The following HDX variants were observed in gnomAD, a reference collection of about 807,000 sequenced individuals.
HDX encodes the protein chromosome X open reading frame 43.
A neutral mutation model predicts 45.2 loss-of-function variants in HDX; 19 were observed. The ratio of observed to expected loss-of-function variants is 0.42; its 90% CI spans 0.29 to 0.62. HDX has a LOEUF of 0.62. Among genes scored for constraint, HDX ranks in the 20% least tolerant of loss-of-function variants. The pLI is 0.20. For missense variants in HDX, 532 were observed against 493.9 expected, an observed-to-expected ratio of 1.08 and a Z score of -0.73; for synonymous variants, 188 against 172.8, an observed-to-expected ratio of 1.09 and a Z score of -0.69.
chrX:84,405,719 A>G (rs1217666165), intron 5 of HDX, among the ~76,000 whole-genome samples: 1 of 105,719 alleles, frequency 9.5e-6, no homozygotes, highest in African/African-American at 3.4e-5. Context: ...AATCTGTTAT[A>G]ACAAACTGTT....
At chrX:84,489,104 C>G (rs1344066341) in intron 1 of HDX, among the ~76,000 whole-genome samples, 1 of 111,476 alleles carries the variant, frequency 9.0e-6, no homozygotes, top group East Asian at 2.8e-4. Flanking sequence ...TGGGCCTTAC[C>G]TTGTAGATTT....
intron 5 of HDX, among the ~76,000 whole-genome samples, chrX:84,432,086 T>C (rs1212641596): frequency 9.0e-6 from 1 of 111,492 alleles, no homozygotes; most frequent in Non-Finnish European, 1.9e-5. Context: ...ATCTATTGAA[T>C]ATGGAATCTT....
At chrX:84,324,693 G>A (rs1237091597) in intron 10 of HDX, among the ~76,000 whole-genome samples, 1 of 111,145 alleles carries the variant, frequency 9.0e-6, no homozygotes, top group Non-Finnish European at 1.9e-5. Flanking sequence ...AATGAAGTTA[G>A]AATTAGAAAA....
chrX:84,361,065 G>C (rs997602153), intron 6 of HDX, among the ~76,000 whole-genome samples: 50 of 111,225 alleles, frequency 4.5e-4, no homozygotes, highest in African/African-American at 1.5e-3. Context: ...CCATATCCTG[G>C]CCAAAACTCA....
At chrX:84,351,706 T>C (rs976310176) in intron 6 of HDX, among the ~76,000 whole-genome samples, 2 of 111,362 alleles carry the variant, frequency 1.8e-5, no homozygotes, top group African/African-American at 6.5e-5. Context: ...AACTCACCAT[T>C]GTGTGAGTGT....
chrX:84,435,320 A>G (rs1158398132), intron 5 of HDX, among the ~76,000 whole-genome samples: 2 of 111,387 alleles, frequency 1.8e-5, no homozygotes, highest in African/African-American at 6.5e-5. Context: ...AGTGATCATG[A>G]CCATTTTTTC....
intron 3 of HDX, among the ~76,000 whole-genome samples, chrX:84,472,514 G>A (rs1375494709): frequency 5.4e-5 from 6 of 110,973 alleles, no homozygotes; most frequent in African/African-American, 2.0e-4. Context: ...GTTTATGTTG[G>A]CAGGCACCCC....
chrX:84,492,010 T>C (rs762376610), intron 1 of HDX, among the ~76,000 whole-genome samples: 43 of 111,214 alleles, frequency 3.9e-4, no homozygotes, highest in African/African-American at 1.3e-3. Flanking sequence ...CATATGCAGT[T>C]TTCTCCTTCA....
chrX:84,410,090 A>G (rs1360521650), intron 5 of HDX, among the ~76,000 whole-genome samples: 1 of 104,565 alleles, frequency 9.6e-6, no homozygotes, highest in African/African-American at 3.5e-5. Flanking sequence ...AAAGAATCAT[A>G]TCATCTGCAA....
intron 5 of HDX, among the ~76,000 whole-genome samples, chrX:84,377,677 CAT>C (rs2038088789): frequency 9.1e-6 from 1 of 109,585 alleles, no homozygotes; most frequent in Admixed American, 9.8e-5. Context: ...AGCTTGAAGA[CAT>C]GTTATTTAAT....
At chrX:84,487,855 G>C (rs1394768875) in intron 2 of HDX, among the ~76,000 whole-genome samples, 169 bp downstream of exon 2, 2 of 112,176 alleles carry the variant, frequency 1.8e-5, no homozygotes, top group Non-Finnish European at 3.8e-5. Context: ...TTAAAAAGTG[G>C]AAGTGAAAGA....
In HDX at chrX:84,422,858, TG is replaced by T. The variant is rs1181753815; in HGVS notation, c.1305+17673del. On this transcript the variant is annotated intron_variant, in intron 5 of 10. Coordinates refer to ENST00000373177, the MANE Select transcript of HDX (RefSeq NM_001177479.2). ...TAATTTTTTGTATTTTTAGTAGAGA[TG>T]GGGTTTCACCGTGTTAGCCAGGATG... is the stretch of plus-strand genomic sequence containing the variant. Among the ~76,000 whole-genome samples the T allele has an allele frequency of 3.7e-5, 4 of 108,008 alleles. No individual in the cohort carries two copies. In the South Asian group the frequency reaches 1.6e-3, roughly 44 times the overall value. 93.8% of individuals were successfully genotyped at this position (108,008 alleles called of 115,157 possible).
rs2037245397 is a variant in HDX at position 84,348,030 on chromosome X, T to C, written c.1453-3573A>G. ...TTAATTTAGGGAAAATTCTCAGTTA[T>C]TATGGTTTTGAATATTTCTTCTGTT... is the stretch of plus-strand genomic sequence containing the variant. On this transcript the variant is annotated intron_variant, in intron 6 of 10. Coordinates refer to ENST00000373177, the MANE Select transcript of HDX (RefSeq NM_001177479.2). Among the ~76,000 whole-genome samples, 9 of 111,519 alleles carry C rather than the reference T, an allele frequency of 8.1e-5. No individual in the cohort carries two copies. The South Asian group carries it at 3.4e-3, about 42-fold the overall frequency.
intron 1 of HDX, among the ~76,000 whole-genome samples, chrX:84,497,965 G>A (rs1264756445): frequency 9.0e-6 from 1 of 111,196 alleles, no homozygotes; most frequent in African/African-American, 3.3e-5. Flanking sequence ...TAAGCCACAT[G>A]TTTGCATGAC....
chrX:84,462,307 A>T (rs2040255128), intron 4 of HDX, among the ~76,000 whole-genome samples: 1 of 112,223 alleles, frequency 8.9e-6, no homozygotes, highest in Non-Finnish European at 1.9e-5. Flanking sequence ...AAAATGTGGT[A>T]CGTATACACA....
chrX:84,482,635 T>C (rs763250143), intron 2 of HDX, among the ~76,000 whole-genome samples: 8 of 111,522 alleles, frequency 7.2e-5, no homozygotes, highest in Admixed American at 9.5e-5. Flanking sequence ...CTGGGAGATA[T>C]ATTTCAAGTT....
intron 6 of HDX, among the ~76,000 whole-genome samples, chrX:84,345,170 TAA>T (rs1231404878): frequency 1.8e-5 from 2 of 111,609 alleles, no homozygotes; most frequent in East Asian, 5.6e-4. Flanking sequence ...GTTTCAAAGA[TAA>T]GTCTTGTTTA....
At chrX:84,436,698 G>A (rs1159547322) in intron 5 of HDX, among the ~76,000 whole-genome samples, 2 of 111,748 alleles carry the variant, frequency 1.8e-5, no homozygotes, top group African/African-American at 6.5e-5. Flanking sequence ...TATTTGATAC[G>A]ATTTTAACTT....
At chrX:84,328,559 A>T (rs1203298639) in intron 9 of HDX, among the ~76,000 whole-genome samples, 1 of 111,819 alleles carries the variant, frequency 8.9e-6, no homozygotes, top group African/African-American at 3.2e-5. Flanking sequence ...AAAAAGCAAA[A>T]TATTTGAACA....
Sources: gnomAD v4.1 joint callset for allele counts (sites outside exome capture counted in the v4.1 genomes callset) on GRCh38, gnomAD v4.1.1 for gene constraint, MANE v1.5 for transcripts, NCBI Gene and HGNC (gene_info 2026-07-23, HGNC 2026-07-21) for gene names.